Variants in SNX27 observed in about 807,000 individuals in gnomAD.
SNX27 encodes the protein sorting nexin-27.
Under a neutral mutation model 71.6 loss-of-function variants are expected in SNX27, and 22 were observed. That is an observed-to-expected ratio of 0.31 (90% CI 0.22 to 0.44). The LOEUF (loss-of-function observed/expected upper bound fraction) is 0.44, where lower values mean the gene tolerates loss of function less well. SNX27 is among the 20% of genes least tolerant of loss of function. The pLI, the probability that SNX27 is intolerant of heterozygous loss-of-function variation, is 1.00. For synonymous variants in SNX27, 269 were observed against 277.2 expected (o/e 0.97, Z 0.29); for missense variants, 531 against 698.6 (o/e 0.76, Z 2.70).
In SNX27 at chr1:151,612,375, G is replaced by A; in HGVS notation, c.174G>A (p.Arg58=). ...AGTCCGGCTACGGCTTCAACGTGCGGGGCCAAGTGAGCGAGGGCGGGCAAC... is the reference window on the plus strand; with the variant it reads ...AGTCCGGCTACGGCTTCAACGTGCGAGGCCAAGTGAGCGAGGGCGGGCAAC... ...KSESGYGFNV[R]GQVSEGGQLR... is the part of the protein sequence containing the mutation. Residue 58 remains arginine (R), a synonymous_variant, in exon 1 of 12, where the codon CGG becomes CGA. Transcript: ENST00000458013. This position sits in a 1 kb window ranked among gnomAD's most constrained non-coding sequence, Gnocchi z 5.2. 1.9e-6 allele frequency: 3 copies of A among 1,542,820 alleles called. No individual in the cohort carries two copies. The highest frequency in any genetic ancestry group is 2.6e-6 in the Non-Finnish European group (3 of 1,148,570).
chr1:151,691,306 C>T (rs573001043), intron 8 of SNX27, among the ~76,000 whole-genome samples: 3 of 151,848 alleles, frequency 2.0e-5, no homozygotes, highest in South Asian at 2.1e-4. Context: ...GAAATATTTA[C>T]TCCCTTTCTT....
rs989044654 is a variant in SNX27 at position 151,694,023 on chromosome 1, A to T, written c.1579-347A>T. On this transcript the variant is annotated intron_variant, in intron 11 of 11. Transcript: ENST00000458013. ...GAAAGAATCAGGAGGTCAAGTCAAG[A>T]ACATGAAAATTTATATTTTAGTACA... 23 of 1,214,086 alleles carry T rather than the reference A, an allele frequency of 1.9e-5. 1 individual carries two copies. The African/African-American group carries it at 3.4e-4, about 18-fold the overall frequency. The allele number at this position is 1,214,086 out of a possible 1,614,324, so 75.2% of individuals were successfully genotyped here.
chr1:151,615,915 C>T, intron 1 of SNX27: 16 of 713,870 alleles, frequency 2.2e-5, no homozygotes, highest in Non-Finnish European at 2.8e-5. Context: ...AGGCTCTGTC[C>T]TAATCTTTAG....
intron 2 of SNX27, among the ~76,000 whole-genome samples, chr1:151,644,037 T>A (rs1023315589): frequency 6.6e-6 from 1 of 152,168 alleles, no homozygotes; most frequent in African/African-American, 2.4e-5. Context: ...GGCAACAAAG[T>A]GAGACTTCGT....
rs965242825 is a variant in SNX27 at position 151,612,088 on chromosome 1, G to A, written c.-114G>A. ...AGCTCGGTGGCCGAGTCGGTCCCGCGGCCGGCGGATCGGGCGCGCGCGTCG... is the reference window on the plus strand; with the variant it reads ...AGCTCGGTGGCCGAGTCGGTCCCGCAGCCGGCGGATCGGGCGCGCGCGTCG... On this transcript the variant is annotated 5_prime_UTR_variant, in exon 1 of 12. Transcript: ENST00000458013. This position sits in a 1 kb window ranked among gnomAD's most constrained non-coding sequence, Gnocchi z 5.2. 1 of 1,165,502 alleles carries A rather than the reference G, an allele frequency of 8.6e-7. No individual in the cohort carries two copies. Among genetic ancestry groups the A allele is most frequent in the Non-Finnish European group, 1.1e-6 (1 of 909,672 alleles). The allele number at this position is 1,165,502 out of a possible 1,614,324, so 72.2% of individuals were successfully genotyped here.
At chr1:151,689,922 C>T (rs1306192499) in intron 8 of SNX27, among the ~76,000 whole-genome samples, 1 of 151,856 alleles carries the variant, frequency 6.6e-6, no homozygotes, top group East Asian at 1.9e-4. Flanking sequence ...AATCCCGGCT[C>T]ACTGCAGCCT....
chr1:151,643,905 C>A (rs1250622171), intron 2 of SNX27, among the ~76,000 whole-genome samples: 1 of 152,136 alleles, frequency 6.6e-6, no homozygotes, highest in Non-Finnish European at 1.5e-5. Flanking sequence ...GGAAATCTGC[C>A]TGCCTTGGCC....
At chr1:151,629,073 C>T (rs1668076532) in intron 1 of SNX27, among the ~76,000 whole-genome samples, 1 of 151,748 alleles carries the variant, frequency 6.6e-6, no homozygotes, top group African/African-American at 2.4e-5. Context: ...TAGATTTTCT[C>T]CTATGTTATC....
intron 2 of SNX27, among the ~76,000 whole-genome samples, chr1:151,642,277 C>T (rs1419051942): frequency 6.6e-6 from 1 of 151,590 alleles, no homozygotes; most frequent in African/African-American, 2.4e-5. Context: ...ATCCCAGCTA[C>T]TTGGGAGGCT....
At chr1:151,692,637 T>C in intron 9 of SNX27, 53 bp downstream of exon 9, 1 of 1,581,870 alleles carries the variant, frequency 6.3e-7, no homozygotes, top group Non-Finnish European at 8.6e-7. Flanking sequence ...ACTTTGATGC[T>C]CACTTGCTTG....
Position 151,648,507 on chromosome 1 carries a change from C to T in SNX27, c.543+9388C>T, listed in dbSNP as rs142809660. Among the ~76,000 whole-genome samples the T allele has an allele frequency of 2.1e-3, 318 of 152,126 alleles. 2 individuals are homozygous for T. The highest frequency in any genetic ancestry group is 7.2e-3 in the African/African-American group (299 of 41,502). On this transcript the variant is annotated intron_variant, in intron 2 of 11. Transcript: ENST00000458013. ...CGATCTTGGCTCACTGCAACCTCCA[C>T]CTCCCAGATTCAAGCAATTCTTCTG...
intron 1 of SNX27, among the ~76,000 whole-genome samples, chr1:151,619,299 T>A (rs1193792764): frequency 1.3e-5 from 2 of 152,222 alleles, no homozygotes; most frequent in African/African-American, 4.8e-5. Flanking sequence ...CATGATCACA[T>A]CACTGACCTC....
In SNX27 at chr1:151,698,899, C is replaced by A. The variant is rs753918619; in HGVS notation, c.*4482C>A. ...TCTAATTGTATTTTCACTGCAGTAT[C>A]TTGTATTTTTTATTTGTGATTTAAG... On this transcript the variant is annotated 3_prime_UTR_variant, in exon 12 of 12. Coordinates refer to ENST00000458013, the MANE Select transcript of SNX27 (RefSeq NM_001330723.2). 8 of 152,698 alleles carry A rather than the reference C, an allele frequency of 5.2e-5. No homozygotes were observed. The highest frequency in any genetic ancestry group is 6.8e-3 in the Middle Eastern group (2 of 294). The allele number at this position is 152,698 out of a possible 1,614,324, so 9.5% of individuals were successfully genotyped here.
chr1:151,639,597 T>G (rs946649912), intron 2 of SNX27, among the ~76,000 whole-genome samples: 1 of 152,224 alleles, frequency 6.6e-6, no homozygotes, highest in Non-Finnish European at 1.5e-5. Context: ...CATCATGTTC[T>G]TTTTCATTTT....
At chr1:151,691,420 A>G (rs1003834968) in intron 8 of SNX27, among the ~76,000 whole-genome samples, 3 of 150,754 alleles carry the variant, frequency 2.0e-5, no homozygotes, top group Admixed American at 6.6e-5. Context: ...AGTCCTGGTT[A>G]TAGTATATCT....
At position 151,612,360 on chromosome 1, in the gene SNX27, C is replaced by A; in HGVS notation, c.159C>A (p.Tyr53Ter). The A allele has an allele frequency of 6.5e-7, 1 of 1,548,570 alleles. No individual in the cohort carries two copies. ...GCATCGTCAAGTCCGAGTCCGGCTA[C>A]GGCTTCAACGTGCGGGGCCAAGTGA... Reference protein sequence around the residue: ...VVRIVKSESGYGFNVRGQVSE... With the variant: ...VVRIVKSESG The change falls in exon 1 of 12, where the codon TAC becomes TAA. Residue 53 changes from tyrosine to a stop codon, truncating the protein, a stop_gained. Transcript: ENST00000458013. LOFTEE classifies it high-confidence loss of function. The surrounding 1 kb of genome is among the most constrained non-coding windows in gnomAD (Gnocchi z 5.2).
At chr1:151,648,632 T>C (rs1168445005) in intron 2 of SNX27, among the ~76,000 whole-genome samples, 1 of 152,138 alleles carries the variant, frequency 6.6e-6, no homozygotes, top group Non-Finnish European at 1.5e-5. Flanking sequence ...TTGTCCAAGC[T>C]GGTCATGAAC....
At position 151,612,415 on chromosome 1, in the gene SNX27, G is replaced by C; in HGVS notation, c.214G>C (p.Gly72Arg). Reference sequence around the variant, plus strand: ...GGGCGGGCAACTGCGGAGCATCAACGGGGAGCTGTACGCGCCGCTGCAGCA... The same window carrying C: ...GGGCGGGCAACTGCGGAGCATCAACCGGGAGCTGTACGCGCCGCTGCAGCA... ...SEGGQLRSINGELYAPLQHVS... is the reference protein window; with the variant it reads ...SEGGQLRSINRELYAPLQHVS... The change falls in exon 1 of 12, where the codon GGG becomes CGG. Residue 72 changes from glycine to arginine, a missense_variant. This residue lies in a region of SNX27 where 130 missense variants were observed against 143.5 expected (regional missense o/e 0.91). Transcript: ENST00000458013. This position sits in a 1 kb window ranked among gnomAD's most constrained non-coding sequence, Gnocchi z 5.2. 3 of 1,510,842 alleles carry C rather than the reference G, an allele frequency of 2.0e-6. No homozygotes were observed. The highest frequency in any genetic ancestry group is 1.4e-5 in the African/African-American group (1 of 69,556). 93.6% of individuals were successfully genotyped at this position (1,510,842 alleles called of 1,614,324 possible).
chr1:151,683,486 C>T (rs769506391), intron 8 of SNX27, 41 bp downstream of exon 8: 129 of 1,466,414 alleles, frequency 8.8e-5, no homozygotes, highest in Non-Finnish European at 9.9e-5. Context: ...AATGCCCCTT[C>T]CTACCTTTAA....
Sources: allele counts gnomAD v4.1 joint callset (sites outside exome capture counted in the v4.1 genomes callset), GRCh38; gene constraint gnomAD v4.1.1; regional missense constraint gnomAD v4.1.1; non-coding constraint Gnocchi (gnomAD v3.1); transcripts MANE v1.5; gene names NCBI Gene and HGNC (gene_info 2026-07-23, HGNC 2026-07-21).